The following NDST3 variants were observed in gnomAD, a reference collection of about 807,000 sequenced individuals.
NDST3 encodes bifunctional heparan sulfate N-deacetylase/N-sulfotransferase 3.
A neutral mutation model predicts 96.1 loss-of-function variants in NDST3; 58 were observed. The ratio of observed to expected loss-of-function variants is 0.60; its 90% CI spans 0.49 to 0.75. NDST3 has a LOEUF of 0.75. NDST3 is among the 30% of genes least tolerant of loss of function. The pLI is 0.00. For missense variants in NDST3, 788 were observed against 1,034.2 expected, an observed-to-expected ratio of 0.76 and a Z score of 3.27; for synonymous variants, 333 against 359.7, an observed-to-expected ratio of 0.93 and a Z score of 0.84.
At chr4:118,169,967 G>T (rs1368525653) in intron 6 of NDST3, among the ~76,000 whole-genome samples, 2 of 152,010 alleles carry the variant, frequency 1.3e-5, no homozygotes, top group Non-Finnish European at 2.9e-5. Context: ...ATCTTTACCG[G>T]GGGGCTTATC....
At chr4:118,160,652 T>C (rs1017791079) in intron 6 of NDST3, among the ~76,000 whole-genome samples, 1 of 152,150 alleles carries the variant, frequency 6.6e-6, no homozygotes, top group African/African-American at 2.4e-5. Context: ...TTTCCTCCAG[T>C]TGATCGCATC....
intron 1 of NDST3, among the ~76,000 whole-genome samples, chr4:118,050,489 G>T (rs1025762951): frequency 1.3e-5 from 2 of 152,048 alleles, no homozygotes; most frequent in African/African-American, 4.8e-5. Flanking sequence ...TCTGCCAAAA[G>T]GTCCCTAGAA....
rs1346841761 is a variant in NDST3, at chr4:118,192,176, C to T, written c.1540-32315C>T. On this transcript the variant is annotated intron_variant, in intron 6 of 13. Coordinates refer to ENST00000296499, the MANE Select transcript of NDST3 (RefSeq NM_004784.3). ...TGCTGTTTGAGCTACTTATACATTC[C>T]GCTTATTAATCCCTTGTCAGATGGG... Among the ~76,000 whole-genome samples the T allele has an allele frequency of 5.9e-5, 9 of 152,000 alleles. No homozygotes were observed. The South Asian group carries it at 8.3e-4, about 14-fold the overall frequency.
At chr4:118,112,950 T>C (rs1730764369) in intron 3 of NDST3, among the ~76,000 whole-genome samples, 1 of 151,944 alleles carries the variant, frequency 6.6e-6, no homozygotes, top group African/African-American at 2.4e-5. Flanking sequence ...CTCTGCCACA[T>C]AGCACCTGTG....
At chr4:118,183,722 A>G (rs1345849210) in intron 6 of NDST3, among the ~76,000 whole-genome samples, 1 of 152,242 alleles carries the variant, frequency 6.6e-6, no homozygotes, top group East Asian at 1.9e-4. Flanking sequence ...TCTGGAATTT[A>G]GGATAATTGC....
At chr4:118,106,919 T>A (rs1730237393) in intron 3 of NDST3, among the ~76,000 whole-genome samples, 1 of 152,006 alleles carries the variant, frequency 6.6e-6, no homozygotes, top group South Asian at 2.1e-4. Flanking sequence ...TGAAAACCTG[T>A]CTCTACTAAA....
At chr4:118,248,089 G>A (rs1215647118) in intron 12 of NDST3, among the ~76,000 whole-genome samples, 7 of 152,124 alleles carry the variant, frequency 4.6e-5, no homozygotes, top group Non-Finnish European at 7.3e-5. Flanking sequence ...TGTGGCTCAC[G>A]CCTGTAATCC....
rs533130314 is a variant in NDST3 at position 118,089,751 on chromosome 4, A to C, written c.982-15267A>C. On this transcript the variant is annotated intron_variant, in intron 2 of 13. Transcript: ENST00000296499. ...CTTCCCAAATGAAAGACCTATGAAA[A>C]AGTATTTTATAAAAGGTGACATATT... Among the ~76,000 whole-genome samples, 6 of 152,124 alleles carry C rather than the reference A, an allele frequency of 3.9e-5. No homozygotes were observed. In the East Asian group the frequency reaches 1.2e-3, roughly 29 times the overall value.
At chr4:118,245,653 C>A (rs1271496222) in intron 12 of NDST3, among the ~76,000 whole-genome samples, 1 of 152,070 alleles carries the variant, frequency 6.6e-6, no homozygotes, top group South Asian at 2.1e-4. Flanking sequence ...TCTGCTGGTT[C>A]TCTGGATGGC....
chr4:118,034,183 A>G (rs988450616), upstream of NDST3, among the ~76,000 whole-genome samples: 1 of 152,196 alleles, frequency 6.6e-6, no homozygotes, highest in African/African-American at 2.4e-5. Context: ...TGGTGTGGTT[A>G]TTTGCTTGCT....
intron 2 of NDST3, among the ~76,000 whole-genome samples, chr4:118,079,032 C>A (rs1351936789): frequency 2.6e-5 from 4 of 152,066 alleles, no homozygotes; most frequent in African/African-American, 9.7e-5. Flanking sequence ...AAAATTAATT[C>A]TTATAAATGC....
At chr4:118,038,067 C>T (rs1344222978) in intron 1 of NDST3, among the ~76,000 whole-genome samples, 1 of 152,102 alleles carries the variant, frequency 6.6e-6, no homozygotes, top group African/African-American at 2.4e-5. Context: ...CAATGAGAGG[C>T]CAGGTTAACA....
At chr4:118,165,837 A>C (rs1735511373) in intron 6 of NDST3, among the ~76,000 whole-genome samples, 2 of 152,036 alleles carry the variant, frequency 1.3e-5, no homozygotes, top group Admixed American at 1.3e-4. Flanking sequence ...AAAAAAATCA[A>C]AAGAGAAATT....
intron 6 of NDST3, among the ~76,000 whole-genome samples, chr4:118,204,304 C>T (rs549986741): frequency 9.6e-6 from 1 of 104,546 alleles, no homozygotes; most frequent in Non-Finnish European, 2.2e-5. Context: ...AAAAAAAAAG[C>T]CTTAGACAAA....
At chr4:118,187,117 TA>T (rs1227275798) in intron 6 of NDST3, among the ~76,000 whole-genome samples, 1 of 152,182 alleles carries the variant, frequency 6.6e-6, no homozygotes, top group Non-Finnish European at 1.5e-5. Context: ...TTCAACCAGG[TA>T]GCCTGTTCAT....
chr4:118,095,504 A>C (rs1729224034), intron 2 of NDST3, among the ~76,000 whole-genome samples: 1 of 151,838 alleles, frequency 6.6e-6, no homozygotes, highest in South Asian at 2.1e-4. Flanking sequence ...CATATTAATA[A>C]AATTCAGGAG....
At chr4:118,103,662 C>A (rs539730262) in intron 2 of NDST3, among the ~76,000 whole-genome samples, 5 of 152,220 alleles carry the variant, frequency 3.3e-5, no homozygotes, top group African/African-American at 1.2e-4. Context: ...CCGTGCCCCA[C>A]CTTGTAAGGA....
At chr4:118,077,259 T>C (rs918736933) in intron 2 of NDST3, among the ~76,000 whole-genome samples, 4 of 152,144 alleles carry the variant, frequency 2.6e-5, no homozygotes, top group African/African-American at 9.7e-5. Flanking sequence ...CCATACTCAT[T>C]CACATGTGCC....
rs1742146255 is a variant in NDST3, at chr4:118,256,783, T to C, written c.*1071T>C. ...ATTTAGGTTATTAAAAAATTGCATT[T>C]TCCCAGATAGTTCAAAATAAAATTA... On this transcript the variant is annotated 3_prime_UTR_variant, in exon 14 of 14. Transcript: ENST00000296499. The C allele has an allele frequency of 6.6e-6, 1 of 152,234 alleles. No individual in the cohort carries two copies. The highest frequency in any genetic ancestry group is 1.5e-5 in the Non-Finnish European group (1 of 68,042). 9.4% of individuals were successfully genotyped at this position (152,234 alleles called of 1,614,324 possible). A position where few individuals can be genotyped will look rare whatever the true frequency, so the allele number is the denominator to read the frequency against.
Sources: gnomAD v4.1 joint callset for allele counts (sites outside exome capture counted in the v4.1 genomes callset) on GRCh38, gnomAD v4.1.1 for gene constraint, MANE v1.5 for transcripts, NCBI Gene and HGNC (gene_info 2026-07-23, HGNC 2026-07-21) for gene names.